The following YBEY variants were observed in gnomAD, a reference collection of about 807,000 sequenced individuals.
YBEY encodes ybeY metalloendoribonuclease.
A neutral mutation model predicts 13.5 loss-of-function variants in YBEY; 15 were observed. That is an observed-to-expected ratio of 1.11 (90% CI 0.75 to 1.72). YBEY has a LOEUF of 1.72. Ranked by LOEUF, YBEY falls within the 40% of genes most tolerant of loss-of-function variation. The pLI, the probability that YBEY is intolerant of heterozygous loss-of-function variation, is 0.00. For synonymous variants in YBEY, 101 were observed against 83.1 expected, an observed-to-expected ratio of 1.21 and a Z score of -1.17; for missense variants, 244 against 208.4, an observed-to-expected ratio of 1.17 and a Z score of -1.05.
In YBEY at chr21:46,296,140, C is replaced by T. The variant is rs761435450; in HGVS notation, c.340-22C>T. The T allele has an allele frequency of 9.9e-6, 16 of 1,613,376 alleles. 2 individuals are homozygous for T. Among genetic ancestry groups the T allele is most frequent in the South Asian group, 8.8e-5 (8 of 91,090 alleles). On this transcript the variant is annotated intron_variant, in intron 3 of 4. Transcript: ENST00000397701. Reference sequence around the variant, plus strand: ...GTTCCTGTGGGGTCATCCTCTGAGCCGGTTTAAAATTATTCTGACAGGTGA... The same window carrying T: ...GTTCCTGTGGGGTCATCCTCTGAGCTGGTTTAAAATTATTCTGACAGGTGA...
At chr21:46,289,448 T>TTTG in intron 2 of YBEY, among the ~76,000 whole-genome samples, 1 of 132,784 alleles carries the variant, frequency 7.5e-6, no homozygotes. Context: ...AGGGTTTTGT[T>TTTG]TTTTTTTTTT....
intron 3 of YBEY, chr21:46,292,287 T>C (rs1239318465): frequency 1.3e-5 from 2 of 152,172 alleles, no homozygotes; most frequent in Non-Finnish European, 1.5e-5. Context: ...TCCTGAGCAG[T>C]AGGGAATTAC....
intron 3 of YBEY, among the ~76,000 whole-genome samples, chr21:46,295,500 T>C (rs1422464957): frequency 2.6e-5 from 4 of 151,844 alleles, no homozygotes; most frequent in Admixed American, 6.6e-5. Context: ...CTCCTCCTCC[T>C]CCTCTTCCCC....
intron 4 of YBEY, among the ~76,000 whole-genome samples, chr21:46,296,559 C>T (rs2081958601): frequency 6.6e-6 from 1 of 152,282 alleles, no homozygotes; most frequent in African/African-American, 2.4e-5. Flanking sequence ...GGAGTGAGTT[C>T]CGGGTTGGTT....
intron 3 of YBEY, chr21:46,292,047 G>A: frequency 5.5e-6 from 1 of 183,402 alleles, no homozygotes; most frequent in Non-Finnish European, 1.0e-5. Flanking sequence ...CTGATCGGCT[G>A]CAGACGGACC....
At chr21:46,288,648 C>A (rs1339017548) in intron 2 of YBEY, among the ~76,000 whole-genome samples, 2 of 150,982 alleles carry the variant, frequency 1.3e-5, no homozygotes, top group Non-Finnish European at 2.9e-5. Context: ...CACTGCACTC[C>A]AGCCTGGCGA....
chr21:46,310,414 G>A, the YBEY span, among the ~76,000 whole-genome samples: 1 of 151,900 alleles, frequency 6.6e-6, no homozygotes, highest in Non-Finnish European at 1.5e-5. Context: ...AGGAGGTGGA[G>A]GTTGCAGTGA....
intron 2 of YBEY, among the ~76,000 whole-genome samples, chr21:46,290,770 A>G (rs13051845): frequency 0.41 from 61,056 of 150,370 alleles, 12,844 homozygotes; most frequent in Admixed American, 0.48. Flanking sequence ...ATTAGGCCAG[A>G]CGCGGTGGCT....
chr21:46,291,611 C>T lies in YBEY; in HGVS notation c.339+149C>T, dbSNP rs150042906. 34 of 1,459,344 alleles carry T rather than the reference C, an allele frequency of 2.3e-5. No individual in the cohort carries two copies. The African/African-American group carries it at 4.5e-4, about 19-fold the overall frequency. The allele number at this position is 1,459,344 out of a possible 1,614,324, so 90.4% of individuals were successfully genotyped here. A position where few individuals can be genotyped will look rare whatever the true frequency, so the allele number is the denominator to read the frequency against. ...CCTGTAAGCAGGGTGTGAGGAGCAC[C>T]CAGGCTGGGTAGGGACTGCATGCCC... On this transcript the variant is annotated intron_variant, in intron 3 of 4. Coordinates refer to ENST00000397701, the MANE Select transcript of YBEY (RefSeq NM_001314025.2).
At chr21:46,305,719 C>G in the YBEY span, among the ~76,000 whole-genome samples, 3 of 152,008 alleles carry the variant, frequency 2.0e-5, no homozygotes, top group Non-Finnish European at 2.9e-5. Flanking sequence ...GTGGGCGGAT[C>G]ATGAGGTTAG....
At chr21:46,310,510 C>CAA in the YBEY span, among the ~76,000 whole-genome samples, 33 of 147,008 alleles carry the variant, frequency 2.2e-4, no homozygotes, top group African/African-American at 8.2e-4. Flanking sequence ...AAAAAAAAAA[C>CAA]AAAACTTGTC....
At chr21:46,301,404 C>T (rs1601618991), downstream of YBEY, 1 of 899,178 alleles carries the variant, frequency 1.1e-6, no homozygotes. Flanking sequence ...GCCTCAGCCT[C>T]TTAAAGTGCT....
intron 2 of YBEY, among the ~76,000 whole-genome samples, chr21:46,291,018 GGAAAAA>G (rs1162081601): frequency 4.5e-5 from 6 of 134,048 alleles, no homozygotes; most frequent in South Asian, 2.3e-4. Context: ...CTCTGTCTCA[GGAAAAA>G]AAAAAAAAAA....
At chr21:46,295,583 G>A (rs764943196) in intron 3 of YBEY, among the ~76,000 whole-genome samples, 6 of 151,904 alleles carry the variant, frequency 3.9e-5, no homozygotes, top group African/African-American at 1.5e-4. Context: ...GGGACATGGC[G>A]ACTGTGGGTC....
intron 3 of YBEY, among the ~76,000 whole-genome samples, chr21:46,293,791 CGGGA>C (rs2081838795): frequency 6.5e-5 from 1 of 15,438 alleles, no homozygotes; most frequent in African/African-American, 2.6e-4. Context: ...GACCCATGCC[CGGGA>C]CTCAGTGGGG....
At position 46,296,287 on chromosome 21, in the gene YBEY, C is replaced by G; in HGVS notation, c.408+57C>G. ...GGTGCGTGGGGGAAGGAGGCTCCCC[C>G]AGGCCCCTGCCAGCCCCCACCCTCC... On this transcript the variant is annotated intron_variant, in intron 4 of 4. Transcript: ENST00000397701. 4 of 1,599,930 alleles carry G rather than the reference C, an allele frequency of 2.5e-6. No individual in the cohort carries two copies. In the South Asian group the frequency reaches 4.4e-5, roughly 18 times the overall value.
chr21:46,301,249 C>T, downstream of YBEY: 1 of 287,172 alleles, frequency 3.5e-6, no homozygotes, highest in Non-Finnish European at 5.2e-6. Context: ...TCAAGCAATC[C>T]TCCCACCTCA....
At position 46,297,550 on chromosome 21, in the gene YBEY, G is replaced by A. The variant is rs775531479; in HGVS notation, c.420G>A (p.Lys140=). ...TEAEWQQMFQ[K]EKAVLDELGR... The stretch of plus-strand genomic sequence containing the variant: ...TTCCTTCCTTCCAGATGTTCCAGAA[G>A]GAGAAGGCGGTGCTGGACGAGCTGG... Residue 140 remains lysine (K), a synonymous_variant, in exon 5 of 5, where the codon AAG becomes AAA. Coordinates refer to ENST00000397701, the MANE Select transcript of YBEY (RefSeq NM_001314025.2). 1.4e-6 allele frequency: 2 copies of A among 1,394,964 alleles called. No homozygotes were observed. The highest frequency in any genetic ancestry group is 1.9e-6 in the Non-Finnish European group (2 of 1,062,216). 86.4% of individuals were successfully genotyped at this position (1,394,964 alleles called of 1,614,324 possible).
At chr21:46,296,512 C>G (rs951462714) in intron 4 of YBEY, among the ~76,000 whole-genome samples, 12 of 152,214 alleles carry the variant, frequency 7.9e-5, no homozygotes, top group Admixed American at 3.3e-4. Flanking sequence ...CAGCTAGAGA[C>G]TAGGCCAGAC....
Sources: gnomAD v4.1 joint callset for allele counts (sites outside exome capture counted in the v4.1 genomes callset) on GRCh38, gnomAD v4.1.1 for gene constraint, MANE v1.5 for transcripts, NCBI Gene and HGNC (gene_info 2026-07-23, HGNC 2026-07-21) for gene names.